The following FAM149A variants were observed in gnomAD, a reference collection of about 807,000 sequenced individuals.
The protein encoded by FAM149A is family with sequence similarity 149 member A.
In FAM149A, 71 loss-of-function variants were observed where a neutral mutation model predicts 78.2. The ratio of observed to expected loss-of-function variants is 0.91; its 90% CI spans 0.75 to 1.11. The LOEUF (loss-of-function observed/expected upper bound fraction) is 1.11. FAM149A is among the 50% of genes least tolerant of loss of function. The probability of loss-of-function intolerance (pLI) is 0.00; values close to 1 mark genes in which losing one functional copy is unlikely to be tolerated. For missense variants in FAM149A, 1,036 were observed against 971.0 expected (o/e 1.07, Z -0.89); for synonymous variants, 446 against 410.5 (o/e 1.09, Z -1.04).
rs548894495 is a variant in FAM149A, at chr4:186,104,773, G to GGC, written c.-303_-302insCG. On this transcript the variant is annotated 5_prime_UTR_variant, in exon 1 of 14. Coordinates refer to ENST00000389354, the MANE Select transcript of FAM149A (RefSeq NM_001367768.3). The stretch of plus-strand genomic sequence containing the variant: ...GGCGGGCGGCGGGCGGCGGGCGTCT[G>GGC]GGGCGGGCGGCGGCCGCGCTTCCCG... Among the ~76,000 whole-genome samples the GGC allele has an allele frequency of 6.7e-6, 1 of 149,604 alleles. No homozygotes were observed. The highest frequency in any genetic ancestry group is 6.6e-5 in the Admixed American group (1 of 15,114).
In FAM149A at chr4:186,144,956, C is replaced by CGGGCGG; in HGVS notation, c.567-4215_567-4210dup. ...GCGGGCGCGGGCGCGGGCGCGGGCG[C>CGGGCGG]GGGCGGGTGGGGAGCCCCAGCCCCG... On this transcript the variant is annotated intron_variant, in intron 1 of 13. Transcript: ENST00000389354. This position sits in a 1 kb window ranked among gnomAD's most constrained non-coding sequence, Gnocchi z 4.2. 1.0e-6 allele frequency: 1 copy of CGGGCGG among 960,112 alleles called. No individual in the cohort carries two copies. The highest frequency in any genetic ancestry group is 1.2e-6 in the Non-Finnish European group (1 of 817,396). 59.5% of individuals were successfully genotyped at this position (960,112 alleles called of 1,614,324 possible).
At chr4:186,131,425 A>G (rs1391618764) in intron 1 of FAM149A, among the ~76,000 whole-genome samples, 1 of 99,258 alleles carries the variant, frequency 1.0e-5, no homozygotes, top group East Asian at 2.5e-4. Flanking sequence ...TTGAGCACAC[A>G]GGGAGTTGGC....
chr4:186,118,588 TA>T (rs1271764415), intron 1 of FAM149A, among the ~76,000 whole-genome samples: 3 of 152,206 alleles, frequency 2.0e-5, no homozygotes, highest in Non-Finnish European at 4.4e-5. Flanking sequence ...TAGACTTTAT[TA>T]AGATACCTTT....
chr4:186,144,962 G>T lies in FAM149A; in HGVS notation c.567-4211G>T. The stretch of plus-strand genomic sequence containing the variant: ...GCGGGCGCGGGCGCGGGCGCGGGCG[G>T]GTGGGGAGCCCCAGCCCCGGGGCCG... On this transcript the variant is annotated intron_variant, in intron 1 of 13. Coordinates refer to ENST00000389354, the MANE Select transcript of FAM149A (RefSeq NM_001367768.3). The surrounding 1 kb of genome is among the most constrained non-coding windows in gnomAD (Gnocchi z 4.2). The T allele has an allele frequency of 1.1e-6, 1 of 951,668 alleles. No homozygotes were observed. The highest frequency in any genetic ancestry group is 5.4e-4 in the Middle Eastern group (1 of 1,846). The allele number at this position is 951,668 out of a possible 1,614,324, so 59.0% of individuals were successfully genotyped here. A position where few individuals can be genotyped will look rare whatever the true frequency, so the allele number is the denominator to read the frequency against.
intron 7 of FAM149A, among the ~76,000 whole-genome samples, chr4:186,157,335 T>C (rs931839345): frequency 6.6e-6 from 1 of 152,222 alleles, no homozygotes. Context: ...TATCATGTGC[T>C]GAGAATCTGT....
intron 1 of FAM149A, chr4:186,123,932 C>G: frequency 3.1e-6 from 3 of 983,278 alleles, no homozygotes; most frequent in Non-Finnish European, 3.6e-6. Flanking sequence ...GCTGAAATTG[C>G]TAAACAAAAT....
chr4:186,126,192 G>A (rs77710439), intron 1 of FAM149A: 3 of 698,954 alleles, frequency 4.3e-6, no homozygotes, highest in East Asian at 1.3e-4. Context: ...TAAGCCTCGC[G>A]CCTTGTTACC....
chr4:186,163,380 T>C (rs779845561), intron 9 of FAM149A, 44 bp from the exon 10 acceptor site: 5 of 1,524,968 alleles, frequency 3.3e-6, no homozygotes, highest in African/African-American at 1.4e-5. Context: ...TTCCCTGTTA[T>C]CACAGCACTC....
At chr4:186,168,243 G>A (rs1489921985) in intron 13 of FAM149A, among the ~76,000 whole-genome samples, 1 of 152,206 alleles carries the variant, frequency 6.6e-6, no homozygotes, top group East Asian at 1.9e-4. Flanking sequence ...GGGCTGCTGG[G>A]CCTTTTTGTT....
chr4:186,151,746 A>G (rs2126469849), intron 3 of FAM149A, 157 bp from the exon 4 acceptor site: 2 of 985,422 alleles, frequency 2.0e-6, no homozygotes, highest in Non-Finnish European at 2.4e-6. Context: ...GGTAACAGCT[A>G]GAGCACAGGT....
At chr4:186,137,251 C>CT (rs11321331) in intron 1 of FAM149A, among the ~76,000 whole-genome samples, 6,587 of 148,316 alleles carry the variant, frequency 0.044, 201 homozygotes, top group Admixed American at 0.063. Context: ...TGCTGACCCT[C>CT]TTTTTTTTTT....
chr4:186,153,101 G>A (rs1281192158), intron 4 of FAM149A: 2 of 177,396 alleles, frequency 1.1e-5, no homozygotes, highest in African/African-American at 4.8e-5. Context: ...ACTAGTTGTG[G>A]ATACTCACTT....
chr4:186,109,728 T>C, intron 1 of FAM149A: 1 of 980,212 alleles, frequency 1.0e-6, no homozygotes, highest in South Asian at 4.7e-5. Flanking sequence ...AGAGCCATGT[T>C]TTATTGAAAG....
intron 13 of FAM149A, chr4:186,167,546 G>A: frequency 2.2e-6 from 1 of 463,950 alleles, no homozygotes; most frequent in South Asian, 2.0e-5. Flanking sequence ...TGTCTTAGGA[G>A]CAGTGAGTAC....
At chr4:186,154,889 G>T in intron 6 of FAM149A, 2 of 985,336 alleles carry the variant, frequency 2.0e-6, no homozygotes, top group Non-Finnish European at 2.4e-6. Flanking sequence ...GGTCCTGGGG[G>T]CTCCAGGTTC....
chr4:186,145,044 G>T (rs907438), intron 1 of FAM149A: 2 of 984,026 alleles, frequency 2.0e-6, no homozygotes, highest in South Asian at 9.4e-5. Flanking sequence ...TCTGCCTGAC[G>T]GTGCCCGAGC....
intron 13 of FAM149A, chr4:186,169,396 A>G: frequency 1.0e-6 from 1 of 985,412 alleles, no homozygotes; most frequent in Non-Finnish European, 1.2e-6. Context: ...TGCCCCATGC[A>G]GACGTCCCCA....
chr4:186,163,063 CA>C, intron 9 of FAM149A, 115 bp downstream of exon 9: 1 of 693,016 alleles, frequency 1.4e-6, no homozygotes. Context: ...TCCCGTGCTT[CA>C]GATGTGCCTG....
At chr4:186,119,448 A>C (rs1461341379) in intron 1 of FAM149A, among the ~76,000 whole-genome samples, 1 of 152,234 alleles carries the variant, frequency 6.6e-6, no homozygotes, top group Non-Finnish European at 1.5e-5. Context: ...ATTCAGAAGC[A>C]GATGGTCTTT....
Sources: allele counts gnomAD v4.1 joint callset (sites outside exome capture counted in the v4.1 genomes callset), GRCh38; gene constraint gnomAD v4.1.1; non-coding constraint Gnocchi (gnomAD v3.1); transcripts MANE v1.5; gene names NCBI Gene and HGNC (gene_info 2026-07-23, HGNC 2026-07-21).